Variants in MAP2 observed in about 807,000 individuals in gnomAD.
MAP2 encodes the protein microtubule associated protein 2, also known as microtubule-associated protein 2.
In MAP2, 14 loss-of-function variants were observed where a neutral mutation model predicts 137.6. The ratio of observed to expected loss-of-function variants is 0.10; its 90% confidence interval spans 0.07 to 0.16. The LOEUF (loss-of-function observed/expected upper bound fraction) is 0.16. Ranked by LOEUF, MAP2 falls within the 10% of genes least tolerant of loss-of-function variation. The pLI, the probability that MAP2 is intolerant of heterozygous loss-of-function variation, is 1.00. For missense variants in MAP2, 2,088 were observed against 2,191.5 expected (o/e 0.95, Z 0.94); for synonymous variants, 786 against 782.3 (o/e 1.00, Z -0.08).
chr2:209,677,323 A>G lies in MAP2; in HGVS notation c.263-1249A>G, dbSNP rs117242866. Among the ~76,000 whole-genome samples the G allele has an allele frequency of 3.1e-4, 47 of 152,124 alleles. No individual in the cohort carries two copies. The East Asian group carries it at 8.7e-3, about 28-fold the overall frequency. ...CTAAAGGTAAACTATCACAATATCT[A>G]ACATGGTCTATGAGATATATAGGTA... On this transcript the variant is annotated intron_variant, in intron 5 of 15. Transcript: ENST00000682079.
chr2:209,568,936 C>T (rs1378788683), intron 2 of MAP2, among the ~76,000 whole-genome samples: 2 of 151,666 alleles, frequency 1.3e-5, no homozygotes, highest in African/African-American at 4.8e-5. Context: ...TATTGTTTGC[C>T]TATAGGGTAG....
chr2:209,528,850 G>A (rs1311811794), intron 2 of MAP2, among the ~76,000 whole-genome samples: 11 of 143,396 alleles, frequency 7.7e-5, no homozygotes, highest in African/African-American at 1.0e-4. Flanking sequence ...ATATATATGT[G>A]TGTGTGTATA....
rs144563923 is a variant in MAP2, at chr2:209,461,741, A to G, written c.-222+37465A>G. On this transcript the variant is annotated intron_variant, in intron 1 of 15. Transcript: ENST00000682079. ...TGGGATGACAGGTGTGAGCCACTGC[A>G]CCTGGCCTTAATAGATTCTTAATTA... 5.3e-4 allele frequency among the ~76,000 whole-genome samples: 81 copies of G among 152,182 alleles called. No homozygotes were observed. In the East Asian group the frequency reaches 0.015, roughly 29 times the overall value.
rs1392765795 is a variant in MAP2, at chr2:209,695,498, G to A, written c.3328G>A (p.Val1110Ile). 1 of 1,614,132 alleles carries A rather than the reference G, an allele frequency of 6.2e-7. No individual in the cohort carries two copies. Among genetic ancestry groups the A allele is most frequent in the African/African-American group, 1.3e-5 (1 of 75,036 alleles). Residue 1110 changes from valine (V) to isoleucine (I), a missense_variant, in exon 8 of 16, where the codon GTC (valine) becomes ATC (isoleucine). Val to Ile is a conservative substitution (Grantham distance 29). Coordinates refer to ENST00000682079, the MANE Select transcript of MAP2 (RefSeq NM_001375505.1). ...AGGCACTAAAGTTAGTGAGACAGAAGTCAAAGAGAAGGTGGCCAAGCCTGA... is the reference window on the plus strand; with the variant it reads ...AGGCACTAAAGTTAGTGAGACAGAAATCAAAGAGAAGGTGGCCAAGCCTGA... ...KEGTKVSETEVKEKVAKPDLV... is the reference protein window; with the variant it reads ...KEGTKVSETEIKEKVAKPDLV...
chr2:209,634,709 A>G (rs2093407562), intron 4 of MAP2, among the ~76,000 whole-genome samples: 1 of 152,198 alleles, frequency 6.6e-6, no homozygotes, highest in African/African-American at 2.4e-5. Context: ...AAATCTGCCT[A>G]CAAATTAATA....
At chr2:209,649,042 T>G (rs1011145688) in intron 4 of MAP2, among the ~76,000 whole-genome samples, 6 of 152,114 alleles carry the variant, frequency 3.9e-5, no homozygotes, top group Admixed American at 6.5e-5. Context: ...ATTTGTATCT[T>G]TATTTGCTTA....
chr2:209,665,607 G>A (rs893402276), intron 5 of MAP2, among the ~76,000 whole-genome samples: 1 of 152,078 alleles, frequency 6.6e-6, no homozygotes, highest in African/African-American at 2.4e-5. Flanking sequence ...TATCGTCTTG[G>A]AAAGATATTA....
intron 2 of MAP2, among the ~76,000 whole-genome samples, chr2:209,526,787 C>G (rs1311839180): frequency 3.3e-5 from 5 of 151,232 alleles, no homozygotes; most frequent in Non-Finnish European, 7.4e-5. Context: ...CTAACGGCAT[C>G]CCTGTTTTCT....
intron 4 of MAP2, among the ~76,000 whole-genome samples, chr2:209,633,153 C>T (rs2093252027): frequency 1.3e-5 from 2 of 152,034 alleles, no homozygotes; most frequent in African/African-American, 4.8e-5. Context: ...TTTTGTATGC[C>T]ACGTTTCTCT....
At position 209,558,363 on chromosome 2, in the gene MAP2, A is replaced by G. The variant is rs191741847; in HGVS notation, c.-171-21673A>G. 4.6e-3 allele frequency among the ~76,000 whole-genome samples: 702 copies of G among 151,904 alleles called. 8 individuals carry two copies. Among genetic ancestry groups the G allele is most frequent in the African/African-American group, 0.016 (656 of 41,434 alleles). On this transcript the variant is annotated intron_variant, in intron 2 of 15. Coordinates refer to ENST00000682079, the MANE Select transcript of MAP2 (RefSeq NM_001375505.1). ...ACCACCAAGCCCAGCTAATTTTTGT[A>G]GTTTTAGTAGAGACAGGGTTTCGCC...
intron 5 of MAP2, among the ~76,000 whole-genome samples, chr2:209,667,484 G>A (rs1447220612): frequency 6.6e-6 from 1 of 151,938 alleles, no homozygotes; most frequent in African/African-American, 2.4e-5. Flanking sequence ...TCTTAGAACC[G>A]AGAATTGGTC....
chr2:209,493,696 T>A (rs2059404474), intron 1 of MAP2, among the ~76,000 whole-genome samples: 1 of 152,218 alleles, frequency 6.6e-6, no homozygotes, highest in Admixed American at 6.5e-5. Flanking sequence ...TCCTCATCAC[T>A]GGTCATTAGA....
intron 13 of MAP2, among the ~76,000 whole-genome samples, chr2:209,713,780 CT>C (rs1413102662): frequency 6.6e-6 from 1 of 152,074 alleles, no homozygotes; most frequent in East Asian, 1.9e-4. Context: ...TGCTTTTTGC[CT>C]TTTCTATCTA....
rs775767305 is a variant in MAP2 at position 209,695,462 on chromosome 2, C to A, written c.3292C>A (p.His1098Asn). The change falls in exon 8 of 16, where the codon CAC becomes AAC. Residue 1098 changes from histidine to asparagine, a missense_variant. His to Asn is a moderately conservative substitution (Grantham distance 68). This residue lies in a region of MAP2 where 500 missense variants were observed against 482.9 expected (regional missense o/e 1.04). Transcript: ENST00000682079. ...TGCATTTATGGGTGTTGAGTCTGGC[C>A]ACATGAAAGAAGGCACTAAAGTTAG... is the stretch of plus-strand genomic sequence containing the variant. ...ADAFMGVESG[H>N]MKEGTKVSET... is the part of the protein sequence containing the mutation. 3.1e-6 allele frequency: 5 copies of A among 1,613,954 alleles called. No individual in the cohort carries two copies. In the South Asian group the frequency reaches 5.5e-5, roughly 18 times the overall value.
chr2:209,528,890 A>T (rs1475082799), intron 2 of MAP2, among the ~76,000 whole-genome samples: 1 of 147,320 alleles, frequency 6.8e-6, no homozygotes, highest in East Asian at 2.0e-4. Flanking sequence ...ATGTGTGTAT[A>T]TACATATATA....
intron 7 of MAP2, among the ~76,000 whole-genome samples, chr2:209,686,219 C>A (rs2153699690): frequency 6.6e-6 from 1 of 152,298 alleles, no homozygotes; most frequent in East Asian, 1.9e-4. Flanking sequence ...CTTCTGCTAT[C>A]CCATGATATA....
chr2:209,592,970 G>GT (rs1416290832), intron 3 of MAP2, among the ~76,000 whole-genome samples: 1 of 151,226 alleles, frequency 6.6e-6, no homozygotes, highest in South Asian at 2.1e-4. Flanking sequence ...TCCGTTCTAG[G>GT]TTTTTTTTCC....
In MAP2 at chr2:209,542,770, G is replaced by C. The variant is rs539056810; in HGVS notation, c.-172+35129G>C. ...TCTGCAGCTTCTTTACCTCTCTCAG[G>C]CTTCATAGAATTGAAAAGAGCTAGG... On this transcript the variant is annotated intron_variant, in intron 2 of 15. Transcript: ENST00000682079. 6.6e-5 allele frequency among the ~76,000 whole-genome samples: 10 copies of C among 152,266 alleles called. No homozygotes were observed. The South Asian group carries it at 1.7e-3, about 25-fold the overall frequency.
chr2:209,675,934 G>C (rs2051190862), intron 5 of MAP2, among the ~76,000 whole-genome samples: 1 of 151,724 alleles, frequency 6.6e-6, no homozygotes, highest in East Asian at 1.9e-4. Flanking sequence ...GATAATTTTA[G>C]GTTTTAAGGT....
Sources: gnomAD v4.1 joint callset for allele counts (sites outside exome capture counted in the v4.1 genomes callset) on GRCh38, gnomAD v4.1.1 for gene constraint, gnomAD v4.1.1 regional missense constraint, MANE v1.5 for transcripts, NCBI Gene and HGNC (gene_info 2026-07-23, HGNC 2026-07-21) for gene names.